CATSPERT: variants seen among roughly 807,000 people sequenced by gnomAD.
The protein encoded by CATSPERT is catsper channel auxiliary subunit tau, also known as cation channel sperm-associated targeting subunit tau.
chr2:201,579,951 A>C, the CATSPERT span, among the ~76,000 whole-genome samples: 2 of 151,436 alleles, frequency 1.3e-5, no homozygotes, highest in African/African-American at 4.9e-5. Context: ...TCCTGGGCTC[A>C]ATCGACCCTT....
At chr2:201,503,304 T>C in the CATSPERT span, among the ~76,000 whole-genome samples, 1 of 152,220 alleles carries the variant, frequency 6.6e-6, no homozygotes, top group East Asian at 1.9e-4. Context: ...TGTTGCTCAG[T>C]CTGGATTCAA....
At chr2:201,492,360 A>C in the CATSPERT span, 16 of 1,535,008 alleles carry the variant, frequency 1.0e-5, no homozygotes, top group Non-Finnish European at 8.7e-7. Flanking sequence ...CTATAAAAAG[A>C]CTCTGGAGGT....
chr2:201,573,462 A>G, the CATSPERT span, among the ~76,000 whole-genome samples: 1 of 152,118 alleles, frequency 6.6e-6, no homozygotes, highest in Non-Finnish European at 1.5e-5. Context: ...ATCTCACTAT[A>G]TTGCCCAGGC....
chr2:201,606,187 G>A, the CATSPERT span, among the ~76,000 whole-genome samples: 1 of 152,188 alleles, frequency 6.6e-6, no homozygotes, highest in Non-Finnish European at 1.5e-5. Context: ...ATCTGTATGT[G>A]GATAGGACTC....
At chr2:201,497,270 G>A in the CATSPERT span, among the ~76,000 whole-genome samples, 1 of 152,102 alleles carries the variant, frequency 6.6e-6, no homozygotes, top group Non-Finnish European at 1.5e-5. Flanking sequence ...CTCAATATTT[G>A]CCAGTATCGT....
the CATSPERT span, among the ~76,000 whole-genome samples, chr2:201,577,337 C>T: frequency 1.7e-3 from 258 of 152,168 alleles, no homozygotes; most frequent in African/African-American, 5.2e-3. Context: ...CTGGAAAATA[C>T]TATGGGTGTT....
the CATSPERT span, among the ~76,000 whole-genome samples, chr2:201,574,779 T>C: frequency 2.0e-5 from 3 of 152,122 alleles, no homozygotes; most frequent in Non-Finnish European, 4.4e-5. Flanking sequence ...TTTATGTTCC[T>C]AGCCCCTGTT....
the CATSPERT span, among the ~76,000 whole-genome samples, chr2:201,496,466 C>T: frequency 6.6e-6 from 1 of 152,186 alleles, no homozygotes; most frequent in South Asian, 2.1e-4. Flanking sequence ...CCTCAGCCAC[C>T]TGAGTAGCTG....
chr2:201,497,755 T>C, the CATSPERT span, among the ~76,000 whole-genome samples: 1 of 152,210 alleles, frequency 6.6e-6, no homozygotes, highest in Non-Finnish European at 1.5e-5. Context: ...GTATTCATGT[T>C]AGGAAGCTAG....
the CATSPERT span, among the ~76,000 whole-genome samples, chr2:201,521,938 C>T: frequency 3.4e-3 from 521 of 152,198 alleles, 4 homozygotes; most frequent in Middle Eastern, 0.02. Flanking sequence ...AATTCAACAT[C>T]CCTTTATGAT....
the CATSPERT span, among the ~76,000 whole-genome samples, chr2:201,615,717 G>A: frequency 6.6e-6 from 1 of 151,920 alleles, no homozygotes; most frequent in Admixed American, 6.6e-5. Flanking sequence ...AGAGCAGAAC[G>A]GAAGGAGATA....
the CATSPERT span, chr2:201,555,557 T>C: frequency 2.0e-5 from 3 of 152,258 alleles, no homozygotes; most frequent in East Asian, 5.8e-4. Flanking sequence ...ATAAATCATA[T>C]AGCACTAACA....
chr2:201,496,609 C>T, the CATSPERT span, among the ~76,000 whole-genome samples: 1 of 152,218 alleles, frequency 6.6e-6, no homozygotes, highest in Non-Finnish European at 1.5e-5. Context: ...TCCCAAAGTG[C>T]TGGGATTACA....
chr2:201,542,012 G>A, the CATSPERT span, among the ~76,000 whole-genome samples: 1 of 151,996 alleles, frequency 6.6e-6, no homozygotes, highest in Admixed American at 6.6e-5. Context: ...TCCTGCCTTG[G>A]CCTCCCAGAG....
At chr2:201,527,772 G>C in the CATSPERT span, among the ~76,000 whole-genome samples, 1 of 152,038 alleles carries the variant, frequency 6.6e-6, no homozygotes, top group Non-Finnish European at 1.5e-5. Context: ...TTAGATTAAA[G>C]ACTTAAATGG....
At chr2:201,490,408 C>T in the CATSPERT span, among the ~76,000 whole-genome samples, 1 of 152,184 alleles carries the variant, frequency 6.6e-6, no homozygotes. Context: ...GTAGTTATAT[C>T]TCTATGAAAA....
chr2:201,523,614 C>G, the CATSPERT span, among the ~76,000 whole-genome samples: 2 of 150,922 alleles, frequency 1.3e-5, no homozygotes, highest in African/African-American at 4.9e-5. Context: ...AACAACTGCA[C>G]TAGCTCCCCA....
chr2:201,590,567 T>C, the CATSPERT span, among the ~76,000 whole-genome samples: 3 of 152,090 alleles, frequency 2.0e-5, no homozygotes, highest in Non-Finnish European at 4.4e-5. Context: ...CCACACTGAC[T>C]TCCACAATGG....
At chr2:201,539,299 C>G in the CATSPERT span, among the ~76,000 whole-genome samples, 1 of 152,108 alleles carries the variant, frequency 6.6e-6, no homozygotes, top group Non-Finnish European at 1.5e-5. Flanking sequence ...TATAAGCATT[C>G]CTTTTTCTCT....
Sources: allele counts gnomAD v4.1 joint callset (sites outside exome capture counted in the v4.1 genomes callset), GRCh38; gene constraint gnomAD v4.1.1; transcripts MANE v1.5; gene names NCBI Gene and HGNC (gene_info 2026-07-23, HGNC 2026-07-21).